Variants in RBFOX1 observed in about 807,000 individuals in gnomAD.
RBFOX1 encodes RNA binding protein fox-1 homolog 1.
RBFOX1 carries 8 observed loss-of-function variants against 57.7 expected under a neutral mutation model. That is an observed-to-expected ratio of 0.14 (90% confidence interval 0.08 to 0.25). The LOEUF (loss-of-function observed/expected upper bound fraction) is 0.25, where lower values mean the gene tolerates loss of function less well. Ranked by LOEUF, RBFOX1 falls within the 10% of genes least tolerant of loss-of-function variation. The pLI is 1.00. For synonymous variants in RBFOX1, 326 were observed against 222.4 expected (o/e 1.47, Z -4.15); for missense variants, 611 against 548.5 (o/e 1.11, Z -1.14).
chr16:5,677,849 G>A (rs2050213293), intron 3 of RBFOX1, among the ~76,000 whole-genome samples: 1 of 152,178 alleles, frequency 6.6e-6, no homozygotes, highest in South Asian at 2.1e-4. Flanking sequence ...TTATGAAGAT[G>A]GATTATGGGT....
chr16:7,369,044 C>G (rs766406813), intron 4 of RBFOX1, among the ~76,000 whole-genome samples: 31 of 151,826 alleles, frequency 2.0e-4, no homozygotes, highest in Non-Finnish European at 1.6e-4. Context: ...GAAGAGATAG[C>G]ATGGTGGTGG....
intron 2 of RBFOX1, among the ~76,000 whole-genome samples, chr16:6,479,151 C>A (rs76206136): frequency 6.6e-6 from 1 of 152,090 alleles, no homozygotes; most frequent in African/African-American, 2.4e-5. Flanking sequence ...TGTATTAGTC[C>A]GTTCTAACAC....
chr16:7,608,670 C>T (rs1226079972), intron 10 of RBFOX1, among the ~76,000 whole-genome samples: 1 of 152,268 alleles, frequency 6.6e-6, no homozygotes, highest in Non-Finnish European at 1.5e-5. Flanking sequence ...TGACTCTGGG[C>T]AAGTTACTTA....
intron 3 of RBFOX1, among the ~76,000 whole-genome samples, chr16:7,027,002 C>G (rs2041158626): frequency 6.6e-6 from 1 of 152,136 alleles, no homozygotes; most frequent in Non-Finnish European, 1.5e-5. Flanking sequence ...TAAGGTTTAG[C>G]TGTGCTGCAG....
At chr16:6,672,771 C>G (rs186577535) in intron 3 of RBFOX1, among the ~76,000 whole-genome samples, 3 of 152,268 alleles carry the variant, frequency 2.0e-5, no homozygotes, top group Admixed American at 2.0e-4. Flanking sequence ...ATACCTTCTA[C>G]CAATTCACAG....
chr16:6,809,575 T>C (rs557662880), intron 3 of RBFOX1, among the ~76,000 whole-genome samples: 1 of 152,240 alleles, frequency 6.6e-6, no homozygotes, highest in Non-Finnish European at 1.5e-5. Context: ...ATATGAAGCC[T>C]TCAACCAAAA....
At chr16:5,525,744 C>G (rs1356576380) in intron 2 of RBFOX1, among the ~76,000 whole-genome samples, 1 of 152,036 alleles carries the variant, frequency 6.6e-6, no homozygotes, top group African/African-American at 2.4e-5. Flanking sequence ...GTGATCCACC[C>G]TCCTTGGCCT....
At chr16:7,701,620 T>TG (rs905160130) in intron 14 of RBFOX1, among the ~76,000 whole-genome samples, 8 of 152,218 alleles carry the variant, frequency 5.3e-5, no homozygotes, top group Non-Finnish European at 1.2e-4. Flanking sequence ...GTTTAGGGAC[T>TG]GGTTTAGTTC....
rs1017418490 is a variant in RBFOX1, at chr16:6,157,925, T to C, written c.-127+137933T>C. On this transcript the variant is annotated intron_variant, in intron 1 of 15. Coordinates refer to ENST00000550418, the MANE Select transcript of RBFOX1 (RefSeq NM_018723.4). ...AGCACCAAGATTAGATCCTATTGGA[T>C]GGATTTAAGTCATATGTTGATTCCT... 5.3e-5 allele frequency among the ~76,000 whole-genome samples: 8 copies of C among 152,312 alleles called. No homozygotes were observed. The East Asian group carries it at 1.2e-3, about 22-fold the overall frequency.
At chr16:7,039,762 T>C (rs1425903385) in intron 3 of RBFOX1, among the ~76,000 whole-genome samples, 1 of 152,186 alleles carries the variant, frequency 6.6e-6, no homozygotes, top group Non-Finnish European at 1.5e-5. Flanking sequence ...TATAGGACTG[T>C]ATTATGTTCA....
intron 4 of RBFOX1, among the ~76,000 whole-genome samples, chr16:7,361,100 A>C (rs993722646): frequency 2.0e-5 from 3 of 152,108 alleles, no homozygotes; most frequent in African/African-American, 7.2e-5. Flanking sequence ...ATTGTTGAAG[A>C]CCACAAGCCC....
intron 1 of RBFOX1, among the ~76,000 whole-genome samples, chr16:6,245,394 C>G (rs1285765041): frequency 6.6e-6 from 1 of 152,112 alleles, no homozygotes; most frequent in Non-Finnish European, 1.5e-5. Context: ...GGCCATGTAT[C>G]TGCACCAATA....
intron 4 of RBFOX1, among the ~76,000 whole-genome samples, chr16:7,201,837 A>G (rs1602888023): frequency 6.6e-6 from 1 of 152,270 alleles, no homozygotes; most frequent in East Asian, 1.9e-4. Flanking sequence ...TAGGAAGCTC[A>G]TTTGGGCAGT....
At chr16:7,418,768 G>T (rs1018156992) in intron 4 of RBFOX1, among the ~76,000 whole-genome samples, 4 of 74,738 alleles carry the variant, frequency 5.4e-5, no homozygotes, top group Non-Finnish European at 1.1e-4. Flanking sequence ...CTCTCACTGT[G>T]TCTGTGTCTC....
chr16:6,695,159 C>T (rs890816113), intron 3 of RBFOX1, among the ~76,000 whole-genome samples: 3 of 151,982 alleles, frequency 2.0e-5, no homozygotes, highest in Non-Finnish European at 4.4e-5. Context: ...GTAGCTCATG[C>T]CTGAAATCCC....
At chr16:7,477,798 A>C (rs535798148) in intron 4 of RBFOX1, among the ~76,000 whole-genome samples, 19 of 152,264 alleles carry the variant, frequency 1.2e-4, no homozygotes, top group Non-Finnish European at 2.5e-4. Flanking sequence ...GCTGGGGGGA[A>C]GGTAGGTGGA....
chr16:7,508,671 G>A (rs1036799951), intron 4 of RBFOX1, among the ~76,000 whole-genome samples: 1 of 152,162 alleles, frequency 6.6e-6, no homozygotes, highest in African/African-American at 2.4e-5. Flanking sequence ...TTCCAACCTT[G>A]TAGAGCTGGG....
At chr16:5,426,296 C>T (rs1438513863) in intron 1 of RBFOX1, among the ~76,000 whole-genome samples, 1 of 152,132 alleles carries the variant, frequency 6.6e-6, no homozygotes, top group Non-Finnish European at 1.5e-5. Flanking sequence ...CACCCCCATT[C>T]CTGATCTGAT....
intron 3 of RBFOX1, among the ~76,000 whole-genome samples, chr16:7,044,157 A>G (rs1230661892): frequency 6.6e-6 from 1 of 151,930 alleles, no homozygotes; most frequent in African/African-American, 2.4e-5. Flanking sequence ...GGTGCTTGAG[A>G]TATGTGTATG....
Sources: allele counts gnomAD v4.1 joint callset (sites outside exome capture counted in the v4.1 genomes callset), GRCh38; gene constraint gnomAD v4.1.1; transcripts MANE v1.5; gene names NCBI Gene and HGNC (gene_info 2026-07-23, HGNC 2026-07-21).